DCX: variants seen among roughly 807,000 people sequenced by gnomAD.
DCX encodes neuronal migration protein doublecortin.
In DCX, 4 loss-of-function variants were observed where a neutral mutation model predicts 20.9. The observed-to-expected ratio is 0.19, with a 90% CI of 0.09 to 0.44. DCX has a LOEUF of 0.44. Among genes scored for constraint, DCX ranks in the 20% least tolerant of loss-of-function variants. The probability of loss-of-function intolerance (pLI) is 0.99; values close to 1 mark genes in which losing one functional copy is unlikely to be tolerated. For synonymous variants in DCX, 103 were observed against 111.4 expected (o/e 0.92, Z 0.47); for missense variants, 133 against 296.9 (o/e 0.45, Z 4.06).
At chrX:111,337,542 A>C (rs1015915152) in intron 3 of DCX, among the ~76,000 whole-genome samples, 2 of 111,879 alleles carry the variant, frequency 1.8e-5, no homozygotes, top group Admixed American at 9.5e-5. Flanking sequence ...GTTTGAGTCT[A>C]TTAGCTGCAA....
At chrX:111,410,946 C>T in intron 1 of DCX, 1 of 1,210,715 alleles carries the variant, frequency 8.3e-7, no homozygotes. Flanking sequence ...CATTTCAGTA[C>T]AATGACTATG....
chrX:111,378,782 T>C (rs773377482), intron 3 of DCX, among the ~76,000 whole-genome samples: 55 of 111,598 alleles, frequency 4.9e-4, no homozygotes, highest in Admixed American at 1.6e-3. Context: ...TGCTAAGATA[T>C]GAATGTGTTC....
chrX:111,408,612 GAAGAAAGAAAGAAAGAAAAGAGAAAGA>G (rs1335284727), intron 2 of DCX, among the ~76,000 whole-genome samples: 8 of 87,852 alleles, frequency 9.1e-5, no homozygotes, highest in Non-Finnish European at 1.1e-4. Flanking sequence ...AGAAAGAAAG[GAAGAAAGAAAGAAAGAAAAGAGAAAGA>G]AAGAAAGAAA....
chrX:111,394,396 G>A (rs190155111), intron 3 of DCX, among the ~76,000 whole-genome samples: 8,189 of 111,580 alleles, frequency 0.073, 768 homozygotes, highest in African/African-American at 0.25. Context: ...GATAATCAAA[G>A]TATTTTAAAA....
At position 111,294,635 on chromosome X, in the gene DCX, G is replaced by GT. The variant is rs1280767894; in HGVS notation, c.*7051dup. 2 of 112,050 alleles carry GT rather than the reference G, an allele frequency of 1.8e-5. No homozygotes were observed. Among genetic ancestry groups the GT allele is most frequent in the South Asian group, 7.4e-4 (2 of 2,686 alleles). 9.2% of individuals were successfully genotyped at this position (112,050 alleles called of 1,213,427 possible). A position where few individuals can be genotyped will look rare whatever the true frequency, so the allele number is the denominator to read the frequency against. The stretch of plus-strand genomic sequence containing the variant: ...TGTTTGCTGACTTTACTTGGCAAGA[G>GT]TTATTGGGCCTCAAATCAGATATTT... On this transcript the variant is annotated 3_prime_UTR_variant, in exon 7 of 7. Coordinates refer to ENST00000636035, the MANE Select transcript of DCX (RefSeq NM_001195553.2).
At chrX:111,407,889 G>A (rs765889108) in intron 2 of DCX, among the ~76,000 whole-genome samples, 13 of 109,863 alleles carry the variant, frequency 1.2e-4, no homozygotes, top group Non-Finnish European at 1.9e-4. Flanking sequence ...GGGAAATTTT[G>A]TGCATAACGC....
chrX:111,400,228 G>A (rs1034971425), intron 3 of DCX, among the ~76,000 whole-genome samples: 1 of 111,525 alleles, frequency 9.0e-6, no homozygotes, highest in Non-Finnish European at 1.9e-5. Context: ...AGCTCCCTAT[G>A]CTTAAGAGAA....
In DCX at chrX:111,300,384, T is replaced by A. The variant is rs754468429; in HGVS notation, c.*1303A>T. 1.8e-5 allele frequency: 2 copies of A among 112,772 alleles called. No homozygotes were observed. Among genetic ancestry groups the A allele is most frequent in the African/African-American group, 6.5e-5 (2 of 30,991 alleles). 9.3% of individuals were successfully genotyped at this position (112,772 alleles called of 1,213,427 possible). A position where few individuals can be genotyped will look rare whatever the true frequency, so the allele number is the denominator to read the frequency against. The stretch of plus-strand genomic sequence containing the variant: ...GTGAAAGATTTCTGTGTCTTCAGTA[T>A]GAAATATTAGGATTATAGATAAAAA... On this transcript the variant is annotated 3_prime_UTR_variant, in exon 7 of 7. Coordinates refer to ENST00000636035, the MANE Select transcript of DCX (RefSeq NM_001195553.2).
intron 3 of DCX, among the ~76,000 whole-genome samples, chrX:111,386,906 G>A (rs960516989): frequency 9.0e-6 from 1 of 111,226 alleles, no homozygotes; most frequent in Admixed American, 9.5e-5. Flanking sequence ...TGAGTCCACC[G>A]AGCCAGAAAA....
Position 111,370,728 on chromosome X carries a change from C to T in DCX, c.705+30262G>A, listed in dbSNP as rs763053887. Among the ~76,000 whole-genome samples the T allele has an allele frequency of 3.1e-3, 339 of 110,258 alleles. 3 individuals carry two copies. Among genetic ancestry groups the T allele is most frequent in the African/African-American group, 0.01 (311 of 30,287 alleles). On this transcript the variant is annotated intron_variant, in intron 3 of 6. Coordinates refer to ENST00000636035, the MANE Select transcript of DCX (RefSeq NM_001195553.2). ...AGTCCACACAGCAAAATTGGGCTTA[C>T]CCTAGCACTGGTTTTCAACCTTGGC...
rs189963814 is a variant in DCX, at chrX:111,354,014, C to T, written c.706-20861G>A. ...GATTGTGTACTTACACAATTAAGCT[C>T]GTTTCCCTTAAGAATGGAGAAAAAG... On this transcript the variant is annotated intron_variant, in intron 3 of 6. Transcript: ENST00000636035. Among the ~76,000 whole-genome samples, 411 of 111,803 alleles carry T rather than the reference C, an allele frequency of 3.7e-3. 3 individuals carry two copies. The highest frequency in any genetic ancestry group is 0.013 in the African/African-American group (385 of 30,778).
At chrX:111,330,819 C>A in intron 5 of DCX, 85 bp downstream of exon 5, 1 of 1,140,648 alleles carries the variant, frequency 8.8e-7, no homozygotes, top group Non-Finnish European at 1.2e-6. Flanking sequence ...CAGTGGTGTT[C>A]ATGAGGAACT....
intron 3 of DCX, among the ~76,000 whole-genome samples, chrX:111,378,083 T>C (rs1220320862): frequency 9.0e-6 from 1 of 111,255 alleles, no homozygotes; most frequent in Non-Finnish European, 1.9e-5. Context: ...AAATCAATGG[T>C]TGAGATGAGA....
intron 3 of DCX, among the ~76,000 whole-genome samples, chrX:111,384,679 T>A (rs1020260637): frequency 2.7e-5 from 3 of 111,976 alleles, no homozygotes; most frequent in Non-Finnish European, 5.6e-5. Flanking sequence ...TCACTAAAAA[T>A]TGGAACTATT....
chrX:111,312,779 C>T (rs554569665), intron 5 of DCX, 43 bp from the exon 6 acceptor site: 5 of 1,151,608 alleles, frequency 4.3e-6, no homozygotes, highest in African/African-American at 3.5e-5. Context: ...AAATCAACAG[C>T]ATACAAAGGA....
chrX:111,409,296 T>G (rs1224329394), intron 2 of DCX, among the ~76,000 whole-genome samples: 1 of 111,499 alleles, frequency 9.0e-6, no homozygotes, highest in Non-Finnish European at 1.9e-5. Flanking sequence ...TATTTTGAGG[T>G]GGGTACACAG....
intron 5 of DCX, among the ~76,000 whole-genome samples, chrX:111,325,628 G>A (rs984182943): frequency 8.9e-6 from 1 of 112,256 alleles, no homozygotes; most frequent in African/African-American, 3.2e-5. Flanking sequence ...TTCTTGTGCT[G>A]TTTAAAACAG....
Position 111,312,693 on chromosome X carries a change from C to A in DCX, c.990G>T (p.Lys330Asn). 1 of 1,211,780 alleles carries A rather than the reference C, an allele frequency of 8.3e-7. No individual in the cohort carries two copies. The highest frequency in any genetic ancestry group is 1.1e-6 in the Non-Finnish European group (1 of 895,555). The change falls in exon 6 of 7, where the codon AAG becomes AAT. Residue 330 changes from lysine (K) to asparagine (N), a missense_variant. Around this residue, in one of 2 missense-constraint regions of DCX, gnomAD observed 68 missense variants for 84.3 expected, o/e 0.81. Transcript: ENST00000636035. ...TGGTGGGCGTAGAGATGGGAGACTG[C>A]TTAGACTTGGGGGTAGAGAGCTGGC... ...SSSQLSTPKS[K>N]QSPISTPTSP...
intron 4 of DCX, among the ~76,000 whole-genome samples, chrX:111,331,689 G>A (rs1327108780): frequency 4.5e-5 from 5 of 112,271 alleles, no homozygotes; most frequent in African/African-American, 1.6e-4. Context: ...GTGTGTGGGA[G>A]AGTCTGCCAA....
Sources: allele counts gnomAD v4.1 joint callset (sites outside exome capture counted in the v4.1 genomes callset), GRCh38; gene constraint gnomAD v4.1.1; regional missense constraint gnomAD v4.1.1; transcripts MANE v1.5; gene names NCBI Gene and HGNC (gene_info 2026-07-23, HGNC 2026-07-21).